NKX1-2: variants seen among roughly 807,000 people sequenced by gnomAD.
The protein encoded by NKX1-2 is NK1 homeobox 2.
In NKX1-2, 1 loss-of-function variant was observed where a neutral mutation model predicts 4.4. That is an observed-to-expected ratio of 0.23 (90% CI 0.08 to 1.08). The LOEUF is 1.08. NKX1-2 is among the 50% of genes least tolerant of loss of function. NKX1-2 has a pLI of 0.55. For synonymous variants in NKX1-2, 235 were observed against 228.0 expected, an observed-to-expected ratio of 1.03 and a Z score of -0.28; for missense variants, 503 against 464.6, an observed-to-expected ratio of 1.08 and a Z score of -0.76.
chr10:124,449,488 T>C lies in NKX1-2; in HGVS notation c.214+242A>G, dbSNP rs1952276501. ...GTTTCCACCGCGAGCATCAGAACTG[T>C]GGTGCGGGTGAGCTTGGCGGGTGAG... On this transcript the variant is annotated intron_variant, in intron 1 of 1. Coordinates refer to ENST00000451024, the MANE Select transcript of NKX1-2 (RefSeq NM_001146340.3). This position sits in a 1 kb window ranked among gnomAD's most constrained non-coding sequence, Gnocchi z 7.5. 4.3e-6 allele frequency: 3 copies of C among 693,028 alleles called. No homozygotes were observed. Among genetic ancestry groups the C allele is most frequent in the Middle Eastern group, 2.3e-4 (1 of 4,326 alleles). 42.9% of individuals were successfully genotyped at this position (693,028 alleles called of 1,614,324 possible).
rs755690627 is a variant in NKX1-2 at position 124,447,899 on chromosome 10, G to A, written c.463C>T (p.Arg155Cys). The A allele has an allele frequency of 9.9e-6, 14 of 1,415,766 alleles. No homozygotes were observed. Among genetic ancestry groups the A allele is most frequent in the Middle Eastern group, 2.1e-4 (1 of 4,858 alleles). 87.7% of individuals were successfully genotyped at this position (1,415,766 alleles called of 1,614,324 possible). The change falls in exon 2 of 2, where the codon CGC becomes TGC. Residue 155 changes from arginine (R) to cysteine (C), a missense_variant. Physicochemically the swap from Arg to Cys is radical, Grantham distance 180. Transcript: ENST00000451024. Reference protein sequence around the residue: ...SPGSPRPRRRRLEPNCAKPRR... With the variant: ...SPGSPRPRRRCLEPNCAKPRR... Reference sequence around the variant, plus strand: ...GGCTTGGCGCAGTTGGGCTCCAGGCGCCGGCGCCTGGGACGCGGGGAGCCG... The same window carrying A: ...GGCTTGGCGCAGTTGGGCTCCAGGCACCGGCGCCTGGGACGCGGGGAGCCG...
At position 124,448,284 on chromosome 10, in the gene NKX1-2, C is replaced by T; in HGVS notation, c.215-137G>A. 7.9e-7 allele frequency: 1 copy of T among 1,271,794 alleles called. No individual in the cohort carries two copies. The highest frequency in any genetic ancestry group is 9.9e-7 in the Non-Finnish European group (1 of 1,005,990). 78.8% of individuals were successfully genotyped at this position (1,271,794 alleles called of 1,614,324 possible). ...GTCCCCACATCGCGCTCCCCTTAGGCCGGACTACACATCCTCGCCAGCGGG... is the reference window on the plus strand; with the variant it reads ...GTCCCCACATCGCGCTCCCCTTAGGTCGGACTACACATCCTCGCCAGCGGG... On this transcript the variant is annotated intron_variant, in intron 1 of 1. Coordinates refer to ENST00000451024, the MANE Select transcript of NKX1-2 (RefSeq NM_001146340.3). The surrounding 1 kb of genome is among the most constrained non-coding windows in gnomAD (Gnocchi z 4.1).
In NKX1-2 at chr10:124,449,505, G is replaced by C. The variant is rs1564753971; in HGVS notation, c.214+225C>G. The C allele has an allele frequency of 2.9e-6, 2 of 696,902 alleles. No homozygotes were observed. The highest frequency in any genetic ancestry group is 2.3e-4 in the Middle Eastern group (1 of 4,342). 43.2% of individuals were successfully genotyped at this position (696,902 alleles called of 1,614,324 possible). A position where few individuals can be genotyped will look rare whatever the true frequency, so the allele number is the denominator to read the frequency against. On this transcript the variant is annotated intron_variant, in intron 1 of 1. Coordinates refer to ENST00000451024, the MANE Select transcript of NKX1-2 (RefSeq NM_001146340.3). This position sits in a 1 kb window ranked among gnomAD's most constrained non-coding sequence, Gnocchi z 7.5. ...CAGAACTGTGGTGCGGGTGAGCTTG[G>C]CGGGTGAGCAGGGATGCGGCAAATC... is the stretch of plus-strand genomic sequence containing the variant.
Position 124,448,083 on chromosome 10 carries a change from C to G in NKX1-2, c.279G>C (p.Glu93Asp). Residue 93 changes from glutamate (E) to aspartate (D), a missense_variant, in exon 2 of 2, where the codon GAG (glutamate) becomes GAC (aspartate). Physicochemically the swap from Glu to Asp is conservative, Grantham distance 45 (BLOSUM62 2). Transcript: ENST00000451024. The surrounding 1 kb of genome is among the most constrained non-coding windows in gnomAD (Gnocchi z 4.1). ...PLEGSEAEEE[E>D]DAEDPRRPRL... ...GCGGCCTCCTCGGATCCTCCGCATC[C>G]TCCTCCTCTTCCGCCTCGGAACCCT... The G allele has an allele frequency of 6.6e-7, 1 of 1,522,712 alleles. No individual in the cohort carries two copies. The allele number at this position is 1,522,712 out of a possible 1,614,324, so 94.3% of individuals were successfully genotyped here. A position where few individuals can be genotyped will look rare whatever the true frequency, so the allele number is the denominator to read the frequency against.
chr10:124,447,908 T>C lies in NKX1-2; in HGVS notation c.454A>G (p.Arg152Gly), dbSNP rs1564753469. The change falls in exon 2 of 2, where the codon AGG becomes GGG. Residue 152 changes from arginine to glycine, a missense_variant. By Grantham distance (125) the Arg-to-Gly change is moderately radical. Coordinates refer to ENST00000451024, the MANE Select transcript of NKX1-2 (RefSeq NM_001146340.3). Reference sequence around the variant, plus strand: ...CAGTTGGGCTCCAGGCGCCGGCGCCTGGGACGCGGGGAGCCGGGGGATCCC... The same window carrying C: ...CAGTTGGGCTCCAGGCGCCGGCGCCCGGGACGCGGGGAGCCGGGGGATCCC... ...PPGSPGSPRP[R>G]RRRLEPNCAK... 9 of 1,392,954 alleles carry C rather than the reference T, an allele frequency of 6.5e-6. No individual in the cohort carries two copies. In the South Asian group the frequency reaches 1.1e-4, roughly 16 times the overall value. The allele number at this position is 1,392,954 out of a possible 1,614,324, so 86.3% of individuals were successfully genotyped here.
Position 124,448,082 on chromosome 10 carries a change from C to A in NKX1-2, c.280G>T (p.Asp94Tyr). ...CGCGGCCTCCTCGGATCCTCCGCAT[C>A]CTCCTCCTCTTCCGCCTCGGAACCC... is the stretch of plus-strand genomic sequence containing the variant. ...LEGSEAEEEE[D>Y]AEDPRRPRLR... The change falls in exon 2 of 2, where the codon GAT (aspartate) becomes TAT (tyrosine). Residue 94 changes from aspartate (D) to tyrosine (Y), a missense_variant. By Grantham distance (160) the Asp-to-Tyr change is radical. Coordinates refer to ENST00000451024, the MANE Select transcript of NKX1-2 (RefSeq NM_001146340.3). The surrounding 1 kb of genome is among the most constrained non-coding windows in gnomAD (Gnocchi z 4.1). 1 of 1,522,840 alleles carries A rather than the reference C, an allele frequency of 6.6e-7. No homozygotes were observed. The highest frequency in any genetic ancestry group is 8.8e-7 in the Non-Finnish European group (1 of 1,140,308). The allele number at this position is 1,522,840 out of a possible 1,614,324, so 94.3% of individuals were successfully genotyped here. A position where few individuals can be genotyped will look rare whatever the true frequency, so the allele number is the denominator to read the frequency against.
Position 124,447,639 on chromosome 10 carries a change from C to A in NKX1-2, c.723G>T (p.Ala241=). Residue 241 remains alanine, a synonymous_variant, in exon 2 of 2, where the codon GCG becomes GCT. Coordinates refer to ENST00000451024, the MANE Select transcript of NKX1-2 (RefSeq NM_001146340.3). Reference sequence around the variant, plus strand: ...CCGAGCCGCCGCCGCCGCCGCCCCCCGCCGCCCCTGGCTGGGGCGCGCCAC... The same window carrying A: ...CCGAGCCGCCGCCGCCGCCGCCCCCAGCCGCCCCTGGCTGGGGCGCGCCAC... The part of the protein sequence containing the change: ...VGGGAPQPGA[A]GGGGGGGSGG... The A allele has an allele frequency of 1.5e-6, 2 of 1,298,170 alleles. No homozygotes were observed. Among genetic ancestry groups the A allele is most frequent in the South Asian group, 3.0e-5 (1 of 33,082 alleles). 80.4% of individuals were successfully genotyped at this position (1,298,170 alleles called of 1,614,324 possible). A position where few individuals can be genotyped will look rare whatever the true frequency, so the allele number is the denominator to read the frequency against.
In NKX1-2 at chr10:124,448,970, A is replaced by T. The variant is rs1420260212; in HGVS notation, c.214+760T>A. ...GCGCGGCATCCAGCCTCCCCCGATG[A>T]CCTGAGCCTCTGACCCTCCAGGGAG... On this transcript the variant is annotated intron_variant, in intron 1 of 1. Coordinates refer to ENST00000451024, the MANE Select transcript of NKX1-2 (RefSeq NM_001146340.3). The surrounding 1 kb of genome is among the most constrained non-coding windows in gnomAD (Gnocchi z 4.1). Among the ~76,000 whole-genome samples the T allele has an allele frequency of 6.6e-6, 1 of 152,060 alleles. No individual in the cohort carries two copies. Among genetic ancestry groups the T allele is most frequent in the Non-Finnish European group, 1.5e-5 (1 of 67,994 alleles).
Position 124,449,760 on chromosome 10 carries a change from T to C in NKX1-2, c.184A>G (p.Arg62Gly). Residue 62 changes from arginine (R) to glycine (G), a missense_variant, in exon 1 of 2, where the codon AGG (arginine) becomes GGG (glycine). Transcript: ENST00000451024. The surrounding 1 kb of genome is among the most constrained non-coding windows in gnomAD (Gnocchi z 7.5). ...GTCTCCAGCTGTCGGACAGGGTCCCTGGAGCTGGCATCTTTCCCCGCTTCG... is the reference window on the plus strand; with the variant it reads ...GTCTCCAGCTGTCGGACAGGGTCCCCGGAGCTGGCATCTTTCCCCGCTTCG... ...EVEAGKDASS[R>G]DPVRQLETPD... 1.3e-6 allele frequency: 2 copies of C among 1,551,590 alleles called. No individual in the cohort carries two copies. The highest frequency in any genetic ancestry group is 8.7e-7 in the Non-Finnish European group (1 of 1,146,934).
rs1221898985 is a variant in NKX1-2 at position 124,445,277 on chromosome 10, C to G, written c.*2152G>C. ...AAAAGAATTTATTAGACAAACACAC[C>G]AATAGATTGAGTCTAAGGATTTGGT... is the stretch of plus-strand genomic sequence containing the variant. On this transcript the variant is annotated 3_prime_UTR_variant, in exon 2 of 2. Coordinates refer to ENST00000451024, the MANE Select transcript of NKX1-2 (RefSeq NM_001146340.3). The G allele has an allele frequency of 6.6e-6, 1 of 152,044 alleles. No individual in the cohort carries two copies. The highest frequency in any genetic ancestry group is 1.9e-4 in the East Asian group (1 of 5,200). The allele number at this position is 152,044 out of a possible 1,614,324, so 9.4% of individuals were successfully genotyped here. A position where few individuals can be genotyped will look rare whatever the true frequency, so the allele number is the denominator to read the frequency against.
rs1215286027 is a variant in NKX1-2 at position 124,448,879 on chromosome 10, C to A, written c.215-732G>T. Among the ~76,000 whole-genome samples, 3 of 152,170 alleles carry A rather than the reference C, an allele frequency of 2.0e-5. No individual in the cohort carries two copies. Among genetic ancestry groups the A allele is most frequent in the African/African-American group, 7.2e-5 (3 of 41,450 alleles). ...CAGGCCGCCTGCCTGGGCCCAAGTG[C>A]GGCCGCCAGAGGCGCCCCGGGCCCC... is the stretch of plus-strand genomic sequence containing the variant. On this transcript the variant is annotated intron_variant, in intron 1 of 1. Coordinates refer to ENST00000451024, the MANE Select transcript of NKX1-2 (RefSeq NM_001146340.3). The surrounding 1 kb of genome is among the most constrained non-coding windows in gnomAD (Gnocchi z 4.1).
rs1952263507 is a variant in NKX1-2 at position 124,448,095 on chromosome 10, C to T, written c.267G>A (p.Ala89=). 2 of 1,519,456 alleles carry T rather than the reference C, an allele frequency of 1.3e-6. No homozygotes were observed. Among genetic ancestry groups the T allele is most frequent in the East Asian group, 2.6e-5 (1 of 37,978 alleles). The allele number at this position is 1,519,456 out of a possible 1,614,324, so 94.1% of individuals were successfully genotyped here. A position where few individuals can be genotyped will look rare whatever the true frequency, so the allele number is the denominator to read the frequency against. The part of the protein sequence containing the change: ...GQASPLEGSE[A]EEEEDAEDPR... ...GATCCTCCGCATCCTCCTCCTCTTCCGCCTCGGAACCCTCCAGGGGGGACG... is the reference window on the plus strand; with the variant it reads ...GATCCTCCGCATCCTCCTCCTCTTCTGCCTCGGAACCCTCCAGGGGGGACG... The change falls in exon 2 of 2, where the codon GCG becomes GCA. Residue 89 remains alanine (A), a synonymous_variant. Transcript: ENST00000451024. The surrounding 1 kb of genome is among the most constrained non-coding windows in gnomAD (Gnocchi z 4.1).
At position 124,449,458 on chromosome 10, in the gene NKX1-2, G is replaced by C. The variant is rs1490926402; in HGVS notation, c.214+272C>G. 2.9e-6 allele frequency: 2 copies of C among 682,026 alleles called. No homozygotes were observed. The highest frequency in any genetic ancestry group is 5.4e-6 in the Non-Finnish European group (2 of 372,136). 42.2% of individuals were successfully genotyped at this position (682,026 alleles called of 1,614,324 possible). On this transcript the variant is annotated intron_variant, in intron 1 of 1. Coordinates refer to ENST00000451024, the MANE Select transcript of NKX1-2 (RefSeq NM_001146340.3). The surrounding 1 kb of genome is among the most constrained non-coding windows in gnomAD (Gnocchi z 7.5). ...AGTAAGCCTGGCAAGACAGGCGCCA[G>C]GTAAGTTTCCACCGCGAGCATCAGA... is the stretch of plus-strand genomic sequence containing the variant.
Position 124,449,591 on chromosome 10 carries a change from C to T in NKX1-2, c.214+139G>A. On this transcript the variant is annotated intron_variant, in intron 1 of 1. Coordinates refer to ENST00000451024, the MANE Select transcript of NKX1-2 (RefSeq NM_001146340.3). The surrounding 1 kb of genome is among the most constrained non-coding windows in gnomAD (Gnocchi z 7.5). Reference sequence around the variant, plus strand: ...CTATCCAAGTCCGAGGCGGGGGCTACACTTCGCACCCGGTCCCGTGCGCCT... The same window carrying T: ...CTATCCAAGTCCGAGGCGGGGGCTATACTTCGCACCCGGTCCCGTGCGCCT... 2 of 736,786 alleles carry T rather than the reference C, an allele frequency of 2.7e-6. No homozygotes were observed. Among genetic ancestry groups the T allele is most frequent in the Non-Finnish European group, 4.8e-6 (2 of 416,918 alleles). The allele number at this position is 736,786 out of a possible 1,614,324, so 45.6% of individuals were successfully genotyped here.
rs878962888 is a variant in NKX1-2, at chr10:124,449,381, C to A, written c.214+349G>T. ...GAAGTTTTCATCACCTTTATCCCAG[C>A]CCTTAGCCCAGGTCCTAGCACGTGG... On this transcript the variant is annotated intron_variant, in intron 1 of 1. Transcript: ENST00000451024. This position sits in a 1 kb window ranked among gnomAD's most constrained non-coding sequence, Gnocchi z 7.5. 1 of 545,224 alleles carries A rather than the reference C, an allele frequency of 1.8e-6. No individual in the cohort carries two copies. The highest frequency in any genetic ancestry group is 2.2e-5 in the Admixed American group (1 of 45,226). The allele number at this position is 545,224 out of a possible 1,614,324, so 33.8% of individuals were successfully genotyped here.
At position 124,448,362 on chromosome 10, in the gene NKX1-2, TCCAAG is replaced by T; in HGVS notation, c.215-220_215-216del. 3.1e-6 allele frequency: 2 copies of T among 640,412 alleles called. No homozygotes were observed. Among genetic ancestry groups the T allele is most frequent in the Non-Finnish European group, 4.5e-6 (2 of 445,482 alleles). 39.7% of individuals were successfully genotyped at this position (640,412 alleles called of 1,614,324 possible). A position where few individuals can be genotyped will look rare whatever the true frequency, so the allele number is the denominator to read the frequency against. On this transcript the variant is annotated intron_variant, in intron 1 of 1. Transcript: ENST00000451024. The surrounding 1 kb of genome is among the most constrained non-coding windows in gnomAD (Gnocchi z 4.1). Reference sequence around the variant, plus strand: ...TTACAAATCTGCCATCAAGTAGGCGTCCAAGAAATGTACGCCAAATGAATGAATGA... The same window carrying T: ...TTACAAATCTGCCATCAAGTAGGCGTAAATGTACGCCAAATGAATGAATGA...
In NKX1-2 at chr10:124,446,189, T is replaced by C. The variant is rs1024815647; in HGVS notation, c.*1240A>G. 2.0e-5 allele frequency: 3 copies of C among 152,176 alleles called. No individual in the cohort carries two copies. The highest frequency in any genetic ancestry group is 7.2e-5 in the African/African-American group (3 of 41,430). The allele number at this position is 152,176 out of a possible 1,614,324, so 9.4% of individuals were successfully genotyped here. On this transcript the variant is annotated 3_prime_UTR_variant, in exon 2 of 2. Coordinates refer to ENST00000451024, the MANE Select transcript of NKX1-2 (RefSeq NM_001146340.3). ...AAGGGAATTTCACAGAACTAATTTT[T>C]TAAGGGAGGTAATAAAAGCAGCAGT...
In NKX1-2 at chr10:124,447,367, G is replaced by A; in HGVS notation, c.*62C>T. 1 of 1,059,020 alleles carries A rather than the reference G, an allele frequency of 9.4e-7. No homozygotes were observed. Among genetic ancestry groups the A allele is most frequent in the Non-Finnish European group, 1.2e-6 (1 of 830,762 alleles). The allele number at this position is 1,059,020 out of a possible 1,614,324, so 65.6% of individuals were successfully genotyped here. ...CCTGCACCCCCGGTGGAGGAGCCGA[G>A]GGCACACGACGATGCCAATCCCTCG... On this transcript the variant is annotated 3_prime_UTR_variant, in exon 2 of 2. Coordinates refer to ENST00000451024, the MANE Select transcript of NKX1-2 (RefSeq NM_001146340.3).
Position 124,449,666 on chromosome 10 carries a change from C to G in NKX1-2, c.214+64G>C. 1.6e-6 allele frequency: 2 copies of G among 1,224,506 alleles called. No individual in the cohort carries two copies. Among genetic ancestry groups the G allele is most frequent in the Non-Finnish European group, 2.3e-6 (2 of 854,362 alleles). 75.9% of individuals were successfully genotyped at this position (1,224,506 alleles called of 1,614,324 possible). On this transcript the variant is annotated intron_variant, in intron 1 of 1. Transcript: ENST00000451024. The surrounding 1 kb of genome is among the most constrained non-coding windows in gnomAD (Gnocchi z 7.5). Reference sequence around the variant, plus strand: ...GGGCCACTCACCGGGCCCGGCTGTTCCCCCATACACTCCGCATTGTTGGGG... The same window carrying G: ...GGGCCACTCACCGGGCCCGGCTGTTGCCCCATACACTCCGCATTGTTGGGG...
Sources: allele counts gnomAD v4.1 joint callset (sites outside exome capture counted in the v4.1 genomes callset), GRCh38; gene constraint gnomAD v4.1.1; non-coding constraint Gnocchi (gnomAD v3.1); transcripts MANE v1.5; gene names NCBI Gene and HGNC (gene_info 2026-07-23, HGNC 2026-07-21).